ATF1: variants seen among roughly 807,000 people sequenced by gnomAD.
ATF1 encodes cyclic AMP-dependent transcription factor ATF-1.
A neutral mutation model predicts 34.7 loss-of-function variants in ATF1; 16 were observed. The observed-to-expected ratio is 0.46, with a 90% CI of 0.31 to 0.70. The LOEUF is 0.70. ATF1 is among the 30% of genes least tolerant of loss of function. The probability of loss-of-function intolerance (pLI) is 0.05; values close to 1 mark genes in which losing one functional copy is unlikely to be tolerated. For synonymous variants in ATF1, 105 were observed against 113.1 expected, an observed-to-expected ratio of 0.93 and a Z score of 0.46; for missense variants, 255 against 321.6, an observed-to-expected ratio of 0.79 and a Z score of 1.58.
intron 2 of ATF1, among the ~76,000 whole-genome samples, chr12:50,795,701 A>G (rs1941394142): frequency 6.6e-6 from 1 of 152,244 alleles, no homozygotes; most frequent in South Asian, 2.1e-4. Flanking sequence ...TGGGCCTGCT[A>G]TATTTGATAT....
At position 50,782,319 on chromosome 12, in the gene ATF1, G is replaced by A. The variant is rs571719213; in HGVS notation, c.93+2081G>A. 1.8e-3 allele frequency among the ~76,000 whole-genome samples: 273 copies of A among 151,982 alleles called. 1 individual carries two copies. Among genetic ancestry groups the A allele is most frequent in the Non-Finnish European group, 3.2e-3 (220 of 67,978 alleles). On this transcript the variant is annotated intron_variant, in intron 2 of 6. Coordinates refer to ENST00000262053, the MANE Select transcript of ATF1 (RefSeq NM_005171.5). ...CGCCCAGGCTGGAGTGCAGTGGCGCGATCTCGGCTCACTGCAACCTCCGCC... is the reference window on the plus strand; with the variant it reads ...CGCCCAGGCTGGAGTGCAGTGGCGCAATCTCGGCTCACTGCAACCTCCGCC...
chr12:50,773,001 T>A (rs889298815), intron 1 of ATF1, among the ~76,000 whole-genome samples: 2 of 152,202 alleles, frequency 1.3e-5, no homozygotes, highest in African/African-American at 2.4e-5. Context: ...CTCCTACTTA[T>A]AAGTGAGAAC....
rs1277850732 is a variant in ATF1, at chr12:50,819,617, T to C, written c.672-18T>C. The stretch of plus-strand genomic sequence containing the variant: ...GTGAAGTTTTTTCTAACATTGTTTT[T>C]TTAATGCTCATATTTAGAGAAGCTG... On this transcript the variant is annotated intron_variant, in intron 6 of 6. Coordinates refer to ENST00000262053, the MANE Select transcript of ATF1 (RefSeq NM_005171.5). 1.2e-6 allele frequency: 2 copies of C among 1,606,034 alleles called. No homozygotes were observed. Among genetic ancestry groups the C allele is most frequent in the Non-Finnish European group, 1.7e-6 (2 of 1,178,084 alleles).
chr12:50,781,682 C>T (rs899953982), intron 2 of ATF1, among the ~76,000 whole-genome samples: 1 of 151,940 alleles, frequency 6.6e-6, no homozygotes, highest in African/African-American at 2.4e-5. Flanking sequence ...AACTCCTGAC[C>T]TCAGGTGATC....
At chr12:50,806,420 C>A in intron 3 of ATF1, 1 of 478,446 alleles carries the variant, frequency 2.1e-6, no homozygotes, top group Non-Finnish European at 4.3e-6. Context: ...ACAATGGTTC[C>A]CATCAACACC....
rs1941921592 is a variant in ATF1, at chr12:50,820,168, A to ATT, written c.*390_*391insTT. The ATT allele has an allele frequency of 4.4e-6, 1 of 224,772 alleles. No homozygotes were observed. Among genetic ancestry groups the ATT allele is most frequent in the Non-Finnish European group, 8.8e-6 (1 of 113,150 alleles). 13.9% of individuals were successfully genotyped at this position (224,772 alleles called of 1,614,324 possible). On this transcript the variant is annotated 3_prime_UTR_variant, in exon 7 of 7. Transcript: ENST00000262053. Reference sequence around the variant, plus strand: ...TGCTGAAATTTACCTTTTTTTAGTTATATATATGTGTGTGTGTGTGTGTAA... The same window carrying ATT: ...TGCTGAAATTTACCTTTTTTTAGTTATTTATATATGTGTGTGTGTGTGTGTAA...
At chr12:50,788,410 T>G (rs1271664840) in intron 2 of ATF1, 2 of 320,330 alleles carry the variant, frequency 6.2e-6, no homozygotes, top group Non-Finnish European at 1.2e-5. Context: ...GGTCTCAAAC[T>G]CCTAAGCTCA....
At chr12:50,798,961 CTGGTGCACA>C (rs1941463873) in intron 3 of ATF1, among the ~76,000 whole-genome samples, 1 of 152,182 alleles carries the variant, frequency 6.6e-6, no homozygotes, top group African/African-American at 2.4e-5. Context: ...TGGCCACTAC[CTGGTGCACA>C]TGTGTAATAG....
At chr12:50,788,841 G>A (rs750372773) in intron 2 of ATF1, among the ~76,000 whole-genome samples, 19 of 151,926 alleles carry the variant, frequency 1.3e-4, no homozygotes, top group Admixed American at 4.6e-4. Flanking sequence ...GCCTCTTTGC[G>A]GTCTAGTTAG....
intron 1 of ATF1, among the ~76,000 whole-genome samples, chr12:50,766,236 C>G (rs962604841): frequency 8.5e-5 from 13 of 152,156 alleles, no homozygotes; most frequent in Admixed American, 2.6e-4. Flanking sequence ...GGAGTCTCTC[C>G]TAAGACAGTG....
At chr12:50,817,432 A>G (rs1941866386) in intron 6 of ATF1, among the ~76,000 whole-genome samples, 2 of 152,204 alleles carry the variant, frequency 1.3e-5, no homozygotes, top group Admixed American at 6.5e-5. Context: ...AAAGTATGAT[A>G]TTTTATAATT....
At chr12:50,767,194 A>T (rs749282839) in intron 1 of ATF1, among the ~76,000 whole-genome samples, 3 of 150,802 alleles carry the variant, frequency 2.0e-5, no homozygotes, top group Non-Finnish European at 4.4e-5. Context: ...CTTCTCTCTC[A>T]CTGTACAAAT....
intron 1 of ATF1, among the ~76,000 whole-genome samples, chr12:50,777,780 C>CAA (rs34713526): frequency 0.26 from 37,584 of 144,792 alleles, 5,231 homozygotes; most frequent in Non-Finnish European, 0.32. Flanking sequence ...GACCCTGTCT[C>CAA]AAAAAAAAAA....
Position 50,815,234 on chromosome 12 carries a change from C to T in ATF1, c.671+795C>T, listed in dbSNP as rs1300415352. Among the ~76,000 whole-genome samples the T allele has an allele frequency of 3.3e-5, 5 of 152,168 alleles. No individual in the cohort carries two copies. In the East Asian group the frequency reaches 9.6e-4, roughly 29 times the overall value. ...ATAACAGCTCCCTGTGTGTTATTGC[C>T]CCTAAAGACCTTCCAGTGGGATAAG... On this transcript the variant is annotated intron_variant, in intron 6 of 6. Coordinates refer to ENST00000262053, the MANE Select transcript of ATF1 (RefSeq NM_005171.5).
intron 1 of ATF1, among the ~76,000 whole-genome samples, chr12:50,772,467 T>C (rs763239542): frequency 9.9e-5 from 15 of 151,954 alleles, no homozygotes; most frequent in Non-Finnish European, 2.2e-4. Flanking sequence ...GCTGGGATTA[T>C]AGGCATGTGC....
chr12:50,790,122 T>C (rs1460690581), intron 2 of ATF1, among the ~76,000 whole-genome samples: 1 of 151,578 alleles, frequency 6.6e-6, no homozygotes, highest in Admixed American at 6.6e-5. Context: ...TATTGAAAGG[T>C]GGGGAGACGT....
In ATF1 at chr12:50,815,656, G is replaced by T. The variant is rs1941829584; in HGVS notation, c.671+1217G>T. Among the ~76,000 whole-genome samples, 4 of 151,762 alleles carry T rather than the reference G, an allele frequency of 2.6e-5. No homozygotes were observed. The South Asian group carries it at 8.3e-4, about 31-fold the overall frequency. On this transcript the variant is annotated intron_variant, in intron 6 of 6. Transcript: ENST00000262053. ...TCCACCTGCCTCAGCCTCCCAAAGT[G>T]CTGGGATTACAGGCATGAACCACTG...
At position 50,798,672 on chromosome 12, in the gene ATF1, C is replaced by T. The variant is rs182317503; in HGVS notation, c.194+2663C>T. On this transcript the variant is annotated intron_variant, in intron 3 of 6. Coordinates refer to ENST00000262053, the MANE Select transcript of ATF1 (RefSeq NM_005171.5). ...GAAGGCTATAACATCTGAAAAGAAA[C>T]TTCTCAAAGTTAAGCTTTCTGGATT... Among the ~76,000 whole-genome samples the T allele has an allele frequency of 1.6e-3, 242 of 152,204 alleles. 1 individual carries two copies. Among genetic ancestry groups the T allele is most frequent in the Middle Eastern group, 3.4e-3 (1 of 294 alleles).
chr12:50,773,595 T>C (rs1402486521), intron 1 of ATF1, among the ~76,000 whole-genome samples: 1 of 151,374 alleles, frequency 6.6e-6, no homozygotes, highest in East Asian at 1.9e-4. Flanking sequence ...CCAGCTATTT[T>C]TTTTTTTCTT....
Sources: gnomAD v4.1 joint callset for allele counts (sites outside exome capture counted in the v4.1 genomes callset) on GRCh38, gnomAD v4.1.1 for gene constraint, MANE v1.5 for transcripts, NCBI Gene and HGNC (gene_info 2026-07-23, HGNC 2026-07-21) for gene names.